NRXN3: variants seen among roughly 807,000 people sequenced by gnomAD.
NRXN3 encodes the protein neurexin 3.
Under a neutral mutation model 137.6 loss-of-function variants are expected in NRXN3, and 32 were observed. The observed-to-expected ratio is 0.23, with a 90% CI of 0.18 to 0.31. NRXN3 has a LOEUF of 0.31. NRXN3 is among the 10% of genes least tolerant of loss of function. The probability of loss-of-function intolerance (pLI) is 1.00; values close to 1 mark genes in which losing one functional copy is unlikely to be tolerated. For missense variants in NRXN3, 1,574 were observed against 2,062.5 expected (o/e 0.76, Z 4.59); for synonymous variants, 798 against 784.5 (o/e 1.02, Z -0.29).
At chr14:78,376,021 T>TACAC (rs1054869113) in intron 4 of NRXN3, among the ~76,000 whole-genome samples, 40 of 148,082 alleles carry the variant, frequency 2.7e-4, no homozygotes, top group African/African-American at 9.5e-4. Context: ...CACACACACA[T>TACAC]ACACACACAC....
At position 78,516,399 on chromosome 14, in the gene NRXN3, T is replaced by C. The variant is rs79727630; in HGVS notation, c.758-128721T>C. 8.5e-3 allele frequency among the ~76,000 whole-genome samples: 823 copies of C among 96,276 alleles called. 56 individuals are homozygous for C. In the East Asian group the frequency reaches 0.14, roughly 17 times the overall value. 63.2% of individuals were successfully genotyped at this position (96,276 alleles called of 152,430 possible). On this transcript the variant is annotated intron_variant, in intron 4 of 20. Transcript: ENST00000335750. Reference sequence around the variant, plus strand: ...GCTAGGCTGAGCAGCAGAGGAGAGATTGGCTGTGGAGAGTATAGATGACAC... The same window carrying C: ...GCTAGGCTGAGCAGCAGAGGAGAGACTGGCTGTGGAGAGTATAGATGACAC...
At chr14:78,760,110 T>C (rs997546827) in intron 8 of NRXN3, among the ~76,000 whole-genome samples, 2 of 148,382 alleles carry the variant, frequency 1.3e-5, no homozygotes, top group South Asian at 4.4e-4. Context: ...GGAACAATCT[T>C]GGCTCACTGC....
chr14:79,435,300 CAAAA>C (rs147005397), intron 15 of NRXN3, among the ~76,000 whole-genome samples: 6 of 123,598 alleles, frequency 4.9e-5, no homozygotes, highest in East Asian at 5.1e-4. Flanking sequence ...GAAATTTGCT[CAAAA>C]AAAAAAAAAA....
intron 16 of NRXN3, among the ~76,000 whole-genome samples, chr14:79,523,588 G>T (rs755935654): frequency 6.6e-6 from 1 of 152,134 alleles, no homozygotes; most frequent in African/African-American, 2.4e-5. Flanking sequence ...TTCTGCACAT[G>T]CAAAGCCCTG....
At chr14:78,798,647 T>G (rs2098829584) in intron 8 of NRXN3, among the ~76,000 whole-genome samples, 1 of 152,194 alleles carries the variant, frequency 6.6e-6, no homozygotes, top group African/African-American at 2.4e-5. Flanking sequence ...ACATTTCCCT[T>G]CGGCACTGCC....
chr14:79,322,110 GAT>G (rs1363448466), intron 15 of NRXN3, among the ~76,000 whole-genome samples: 1 of 152,076 alleles, frequency 6.6e-6, no homozygotes, highest in Non-Finnish European at 1.5e-5. Context: ...TGATATGTAT[GAT>G]ATATGACTTT....
chr14:78,417,480 T>G (rs2153671419), intron 4 of NRXN3, among the ~76,000 whole-genome samples: 1 of 152,284 alleles, frequency 6.6e-6, no homozygotes, highest in South Asian at 2.1e-4. Context: ...ATTTCACTTC[T>G]CACATAGCAT....
At chr14:78,841,398 A>G (rs1466574956) in intron 10 of NRXN3, among the ~76,000 whole-genome samples, 1 of 151,962 alleles carries the variant, frequency 6.6e-6, no homozygotes, top group Non-Finnish European at 1.5e-5. Flanking sequence ...GGAGCTCCTT[A>G]AGAATTAACT....
intron 8 of NRXN3, among the ~76,000 whole-genome samples, chr14:78,769,393 G>T (rs1284023027): frequency 6.6e-6 from 1 of 152,142 alleles, no homozygotes; most frequent in Non-Finnish European, 1.5e-5. Flanking sequence ...TCCAAGTAAG[G>T]TCACATTTAT....
chr14:78,853,590 TA>T (rs2099048909), intron 10 of NRXN3, among the ~76,000 whole-genome samples: 1 of 152,210 alleles, frequency 6.6e-6, no homozygotes, highest in Non-Finnish European at 1.5e-5. Flanking sequence ...GTTAATTTTA[TA>T]AATTTTGTAT....
At chr14:78,775,767 T>C (rs2098743012) in intron 8 of NRXN3, among the ~76,000 whole-genome samples, 1 of 152,244 alleles carries the variant, frequency 6.6e-6, no homozygotes, top group Non-Finnish European at 1.5e-5. Context: ...CCATGTTTGA[T>C]ATCTGTATTT....
chr14:78,508,973 C>T (rs957583314), intron 4 of NRXN3, among the ~76,000 whole-genome samples: 10 of 152,076 alleles, frequency 6.6e-5, no homozygotes, highest in Non-Finnish European at 1.3e-4. Flanking sequence ...CTGTTATAGT[C>T]AAGTGTAAAA....
chr14:79,343,958 A>G (rs72688976), intron 15 of NRXN3, among the ~76,000 whole-genome samples: 3 of 152,230 alleles, frequency 2.0e-5, no homozygotes, highest in Admixed American at 1.3e-4. Flanking sequence ...CACTTTTGCC[A>G]GAGGGATAGC....
intron 4 of NRXN3, among the ~76,000 whole-genome samples, chr14:78,388,499 GTAAT>G (rs772458796): frequency 6.6e-6 from 1 of 152,060 alleles, no homozygotes; most frequent in Non-Finnish European, 1.5e-5. Context: ...ACTAAAGAAA[GTAAT>G]TCATGTTCAT....
intron 15 of NRXN3, among the ~76,000 whole-genome samples, chr14:79,268,113 GAC>G (rs371706916): frequency 4.8e-4 from 73 of 152,196 alleles, no homozygotes; most frequent in Non-Finnish European, 9.0e-4. Flanking sequence ...CTGAAGAATC[GAC>G]AGTGATTGAA....
intron 15 of NRXN3, among the ~76,000 whole-genome samples, chr14:79,455,370 T>C (rs568498364): frequency 1.8e-4 from 27 of 152,346 alleles, no homozygotes; most frequent in African/African-American, 6.0e-4. Flanking sequence ...AGGGGGATCA[T>C]AGGCATTGCA....
intron 4 of NRXN3, chr14:78,300,668 T>C: frequency 1.3e-6 from 2 of 1,530,398 alleles, no homozygotes; most frequent in Non-Finnish European, 8.8e-7. Flanking sequence ...AATTGGACCT[T>C]CATTTCTGTA....
intron 1 of NRXN3, among the ~76,000 whole-genome samples, chr14:78,219,190 T>G (rs2063587137): frequency 2.6e-5 from 4 of 152,222 alleles, no homozygotes; most frequent in Admixed American, 2.0e-4. Context: ...CAACAATTCC[T>G]GTCCAATATA....
intron 4 of NRXN3, among the ~76,000 whole-genome samples, chr14:78,324,154 C>A (rs1296427374): frequency 1.3e-5 from 2 of 152,084 alleles, no homozygotes; most frequent in Non-Finnish European, 2.9e-5. Flanking sequence ...TGCTCTGCAG[C>A]CTTCAACCTC....
Sources: gnomAD v4.1 joint callset for allele counts (sites outside exome capture counted in the v4.1 genomes callset) on GRCh38, gnomAD v4.1.1 for gene constraint, MANE v1.5 for transcripts, NCBI Gene and HGNC (gene_info 2026-07-23, HGNC 2026-07-21) for gene names.